TRAPPC9: variants seen among roughly 807,000 people sequenced by gnomAD.
The protein encoded by TRAPPC9 is IKK2 binding protein.
TRAPPC9 carries 83 observed loss-of-function variants against 124.0 expected under a neutral mutation model. That is an observed-to-expected ratio of 0.67 (90% CI 0.56 to 0.80). TRAPPC9 has a LOEUF of 0.80. Ranked by LOEUF, TRAPPC9 falls within the 30% of genes least tolerant of loss-of-function variation. The pLI is 0.00. For missense variants in TRAPPC9, 1,302 were observed against 1,508.3 expected (o/e 0.86, Z 2.27); for synonymous variants, 638 against 617.5 (o/e 1.03, Z -0.49).
intron 19 of TRAPPC9, among the ~76,000 whole-genome samples, chr8:139,978,135 C>T (rs1836612390): frequency 6.6e-6 from 1 of 152,206 alleles, no homozygotes; most frequent in Admixed American, 6.5e-5. Context: ...ACCTTGGCCT[C>T]CCAAAGTGCT....
At chr8:140,438,316 C>G (rs964258425) in intron 3 of TRAPPC9, among the ~76,000 whole-genome samples, 8 of 152,184 alleles carry the variant, frequency 5.3e-5, no homozygotes, top group Non-Finnish European at 8.8e-5. Flanking sequence ...AAGGTTCATC[C>G]GTGCTGCAGT....
rs145197551 is a variant in TRAPPC9, at chr8:140,231,251, C to G, written c.2432-9668G>C. ...CCTCCGAGGCCAGCATTTCCAGGGA[C>G]AGTGATGCAAGGACACTCCCTGAAG... On this transcript the variant is annotated intron_variant, in intron 16 of 22. Coordinates refer to ENST00000438773, the MANE Select transcript of TRAPPC9 (RefSeq NM_001160372.4). 4.5e-3 allele frequency among the ~76,000 whole-genome samples: 688 copies of G among 152,266 alleles called. 3 individuals carry two copies. Among genetic ancestry groups the G allele is most frequent in the African/African-American group, 0.016 (660 of 41,534 alleles).
At chr8:139,961,251 G>A (rs2131561245) in intron 19 of TRAPPC9, among the ~76,000 whole-genome samples, 1 of 124,726 alleles carries the variant, frequency 8.0e-6, no homozygotes, top group South Asian at 2.7e-4. Context: ...TGGTTCAAGG[G>A]CCTTCTTTCT....
intron 19 of TRAPPC9, among the ~76,000 whole-genome samples, chr8:139,980,018 C>T (rs1021804983): frequency 6.6e-6 from 1 of 150,386 alleles, no homozygotes; most frequent in African/African-American, 2.5e-5. Context: ...CCTTGCCCCT[C>T]GAGAGTTTTC....
At chr8:139,836,387 G>C (rs566519719) in intron 21 of TRAPPC9, among the ~76,000 whole-genome samples, 3 of 152,302 alleles carry the variant, frequency 2.0e-5, no homozygotes, top group East Asian at 1.9e-4. Context: ...CTGACCCTGC[G>C]CCCGGCACTC....
chr8:140,084,367 T>C (rs1844048159), intron 17 of TRAPPC9, among the ~76,000 whole-genome samples: 1 of 152,248 alleles, frequency 6.6e-6, no homozygotes. Context: ...ACTTCCTTTC[T>C]GCCTCAGATG....
In TRAPPC9 at chr8:140,195,987, C is replaced by A. The variant is rs550492724; in HGVS notation, c.2556+25472G>T. Among the ~76,000 whole-genome samples the A allele has an allele frequency of 6.2e-3, 932 of 150,958 alleles. 17 individuals carry two copies. Among genetic ancestry groups the A allele is most frequent in the African/African-American group, 0.022 (884 of 40,912 alleles). ...TCAACTATCCACCGTACAGATCACA[C>A]CTGTGACACTAAAACACTCAGCAAT... On this transcript the variant is annotated intron_variant, in intron 17 of 22. Coordinates refer to ENST00000438773, the MANE Select transcript of TRAPPC9 (RefSeq NM_001160372.4).
chr8:140,132,076 C>A (rs1427603743), intron 17 of TRAPPC9, among the ~76,000 whole-genome samples: 1 of 152,216 alleles, frequency 6.6e-6, no homozygotes, highest in Non-Finnish European at 1.5e-5. Flanking sequence ...CCTGGTCACA[C>A]CTCTGCTGTC....
chr8:139,767,961 A>G (rs1820693125), intron 21 of TRAPPC9, among the ~76,000 whole-genome samples: 1 of 152,268 alleles, frequency 6.6e-6, no homozygotes, highest in Non-Finnish European at 1.5e-5. Flanking sequence ...CTTGAAAAAT[A>G]TACAGACCCT....
intron 18 of TRAPPC9, among the ~76,000 whole-genome samples, chr8:140,020,553 G>A (rs1839776179): frequency 6.6e-6 from 1 of 152,036 alleles, no homozygotes; most frequent in Non-Finnish European, 1.5e-5. Flanking sequence ...TTGAGCCCAG[G>A]AGTTTGAGGT....
At chr8:139,904,219 A>C (rs1831198568) in intron 20 of TRAPPC9, among the ~76,000 whole-genome samples, 1 of 152,236 alleles carries the variant, frequency 6.6e-6, no homozygotes, top group African/African-American at 2.4e-5. Flanking sequence ...AAGACGGCAC[A>C]ATCTGGCAAG....
At chr8:140,397,479 T>G (rs1473439923) in intron 7 of TRAPPC9, 141 bp downstream of exon 7, 42 of 947,808 alleles carry the variant, frequency 4.4e-5, no homozygotes, top group Non-Finnish European at 6.6e-5. Context: ...ATAACCATGT[T>G]AATTAGAAAT....
chr8:140,405,652 G>C lies in TRAPPC9; in HGVS notation c.933C>G (p.Ile311Met). The C allele has an allele frequency of 6.2e-7, 1 of 1,614,132 alleles. No individual in the cohort carries two copies. Among genetic ancestry groups the C allele is most frequent in the Non-Finnish European group, 8.5e-7 (1 of 1,180,000 alleles). Residue 311 changes from isoleucine (I) to methionine (M), a missense_variant, in exon 6 of 23, where the codon ATC becomes ATG. Ile to Met is a conservative substitution (Grantham distance 10). Transcript: ENST00000438773. ...NGINPDTSTE[I>M]GRAKNCLSPE... ...GGCTAAGGCAGTTCTTAGCACGTCC[G>C]ATCTCAGTACTGGTGTCAGGGTTGA...
intron 17 of TRAPPC9, among the ~76,000 whole-genome samples, chr8:140,179,583 G>C (rs1454186491): frequency 6.6e-6 from 1 of 152,066 alleles, no homozygotes; most frequent in African/African-American, 2.4e-5. Context: ...ATGTGAACTA[G>C]ATCAAATTGG....
rs2062011627 is a variant in TRAPPC9 at position 140,173,775 on chromosome 8, A to G, written c.2556+47684T>C. Among the ~76,000 whole-genome samples, 3 of 152,176 alleles carry G rather than the reference A, an allele frequency of 2.0e-5. No homozygotes were observed. In the South Asian group the frequency reaches 6.2e-4, roughly 32 times the overall value. On this transcript the variant is annotated intron_variant, in intron 17 of 22. Transcript: ENST00000438773. The stretch of plus-strand genomic sequence containing the variant: ...CCATGCATTGGAAATATTTATCAGG[A>G]AGATTTCATCAATGTGGTACGGAAA...
At chr8:139,770,380 C>T (rs1820880048) in intron 21 of TRAPPC9, among the ~76,000 whole-genome samples, 1 of 152,252 alleles carries the variant, frequency 6.6e-6, no homozygotes, top group Non-Finnish European at 1.5e-5. Flanking sequence ...ATGTTTTGCT[C>T]CTTTGCAGAG....
chr8:140,123,606 C>T (rs908727917), intron 17 of TRAPPC9, among the ~76,000 whole-genome samples: 7 of 152,232 alleles, frequency 4.6e-5, no homozygotes, highest in African/African-American at 1.7e-4. Flanking sequence ...CCCCACTGCA[C>T]CTTATTTATT....
intron 17 of TRAPPC9, among the ~76,000 whole-genome samples, chr8:140,033,657 GGTTTTTTTTTTT>G (rs1840647804): frequency 3.4e-4 from 17 of 49,302 alleles, no homozygotes; most frequent in African/African-American, 6.3e-4. Flanking sequence ...TTCATAATGT[GGTTTTTTTTTTT>G]TTTTTTTTTT....
intron 19 of TRAPPC9, among the ~76,000 whole-genome samples, chr8:139,942,640 AC>A (rs1441808226): frequency 1.3e-5 from 2 of 152,214 alleles, no homozygotes; most frequent in Non-Finnish European, 2.9e-5. Context: ...AATTCTGGAC[AC>A]ATTTTTTTTT....
Sources: gnomAD v4.1 joint callset for allele counts (sites outside exome capture counted in the v4.1 genomes callset) on GRCh38, gnomAD v4.1.1 for gene constraint, MANE v1.5 for transcripts, NCBI Gene and HGNC (gene_info 2026-07-23, HGNC 2026-07-21) for gene names.